The following ADH6 variants were observed in gnomAD, a reference collection of about 807,000 sequenced individuals.
ADH6 encodes alcohol dehydrogenase 6 (class V).
A neutral mutation model predicts 36.5 loss-of-function variants in ADH6; 34 were observed. The ratio of observed to expected loss-of-function variants is 0.93; its 90% CI spans 0.71 to 1.24. The LOEUF (loss-of-function observed/expected upper bound fraction) is 1.24. Ranked by LOEUF, ADH6 falls within the 50% of genes most tolerant of loss-of-function variation. The probability of loss-of-function intolerance (pLI) is 0.00; values close to 1 mark genes in which losing one functional copy is unlikely to be tolerated. For missense variants in ADH6, 440 were observed against 447.0 expected, an observed-to-expected ratio of 0.98 and a Z score of 0.14; for synonymous variants, 161 against 155.5, an observed-to-expected ratio of 1.04 and a Z score of -0.26.
Position 99,208,940 on chromosome 4 carries a change from C to T in ADH6, c.568-12G>A. On this transcript the variant is annotated splice_polypyrimidine_tract_variant and intron_variant, in intron 5 of 8. Coordinates refer to ENST00000394899, the MANE Select transcript of ADH6 (RefSeq NM_001102470.2). ...GAACCTGGAGTCACCTAAACACATA[C>T]AGGCAGAAAACTCAGAAAACAAAAA... 6.2e-7 allele frequency: 1 copy of T among 1,602,232 alleles called. No homozygotes were observed. The highest frequency in any genetic ancestry group is 8.5e-7 in the Non-Finnish European group (1 of 1,174,788).
At position 99,204,990 on chromosome 4, in the gene ADH6, T is replaced by G. The variant is rs149400992; in HGVS notation, c.1038A>C (p.Leu346=). The change falls in exon 8 of 9, where the codon CTA becomes CTC. Residue 346 remains leucine (L), a synonymous_variant. Transcript: ENST00000394899. ...TATCAAGATTCAGAGTATGAGTAAT[T>G]AGTGGATCTAGATTCAACTTCTCTG... is the stretch of plus-strand genomic sequence containing the variant. ...YMAEKLNLDP[L]ITHTLNLDKI... 1.6e-4 allele frequency: 258 copies of G among 1,609,612 alleles called. 1 individual carries two copies. The Middle Eastern group carries it at 3.8e-3, about 24-fold the overall frequency.
At chr4:99,207,945 A>G (rs557197129) in intron 6 of ADH6, among the ~76,000 whole-genome samples, 72 of 152,288 alleles carry the variant, frequency 4.7e-4, no homozygotes, top group African/African-American at 1.6e-3. Context: ...ACAGATATTT[A>G]TATAATAAGA....
chr4:99,216,040 GA>G lies in ADH6; in HGVS notation c.120+120del, dbSNP rs1731402565. 3 of 510,190 alleles carry G rather than the reference GA, an allele frequency of 5.9e-6. No individual in the cohort carries two copies. The South Asian group carries it at 1.2e-4, about 20-fold the overall frequency. The allele number at this position is 510,190 out of a possible 1,614,324, so 31.6% of individuals were successfully genotyped here. ...ATGTTTAATGAAAAAGAAATACAAA[GA>G]TATGTAGTTTTATTATTTTTTTTTC... On this transcript the variant is annotated intron_variant, in intron 2 of 8. Coordinates refer to ENST00000394899, the MANE Select transcript of ADH6 (RefSeq NM_001102470.2).
chr4:99,208,456 T>G (rs920272081), intron 6 of ADH6: 5 of 463,634 alleles, frequency 1.1e-5, no homozygotes, highest in Non-Finnish European at 1.5e-5. Context: ...TTAAAACTTC[T>G]GGCTTTGAAA....
At position 99,210,270 on chromosome 4, in the gene ADH6, C is replaced by A; in HGVS notation, c.379G>T (p.Gly127Cys). The stretch of plus-strand genomic sequence containing the variant: ...CCCTTGCAGGTAAACCTGCTGGTAC[C>A]ATCAGACATCAGTTGGGTTTTTGAC... ...KQSKTQLMSD[G>C]TSRFTCKGKS... Residue 127 changes from glycine to cysteine, a missense_variant, in exon 5 of 9, where the codon GGT becomes TGT. Physicochemically the swap from Gly to Cys is radical, Grantham distance 159. Coordinates refer to ENST00000394899, the MANE Select transcript of ADH6 (RefSeq NM_001102470.2). The A allele has an allele frequency of 1.2e-6, 2 of 1,613,644 alleles. No individual in the cohort carries two copies. The highest frequency in any genetic ancestry group is 1.7e-6 in the Non-Finnish European group (2 of 1,179,804).
chr4:99,217,385 C>A (rs1731485991), intron 1 of ADH6, among the ~76,000 whole-genome samples: 1 of 152,152 alleles, frequency 6.6e-6, no homozygotes, highest in African/African-American at 2.4e-5. Context: ...ACTCACCCTT[C>A]CCAGTCTCTG....
chr4:99,208,621 A>T (rs1731118986), intron 6 of ADH6, 47 bp downstream of exon 6: 4 of 1,555,214 alleles, frequency 2.6e-6, no homozygotes, highest in Non-Finnish European at 3.5e-6. Flanking sequence ...AATCTAAACG[A>T]TGACTGGTAA....
chr4:99,209,367 G>C (rs17028732), intron 5 of ADH6, among the ~76,000 whole-genome samples: 3,071 of 151,642 alleles, frequency 0.02, 106 homozygotes, highest in African/African-American at 0.07. Context: ...GAAGGCAAAG[G>C]CTTTTTTTTT....
In ADH6 at chr4:99,202,762, G is replaced by A. The variant is rs1307849552; in HGVS notation, c.*1457C>T. Reference sequence around the variant, plus strand: ...CCTCCAAGTTCTCACTGTTAGTAAGGTCAATTTGGGGGCAGAACAGGAACA... The same window carrying A: ...CCTCCAAGTTCTCACTGTTAGTAAGATCAATTTGGGGGCAGAACAGGAACA... On this transcript the variant is annotated 3_prime_UTR_variant, in exon 9 of 9. Transcript: ENST00000394899. 3 of 398,094 alleles carry A rather than the reference G, an allele frequency of 7.5e-6. No individual in the cohort carries two copies. The highest frequency in any genetic ancestry group is 7.1e-5 in the East Asian group (2 of 28,074). 24.7% of individuals were successfully genotyped at this position (398,094 alleles called of 1,614,324 possible).
intron 3 of ADH6, among the ~76,000 whole-genome samples, chr4:99,211,272 C>T (rs1224040175): frequency 3.3e-5 from 5 of 152,048 alleles, no homozygotes; most frequent in Admixed American, 3.3e-4. Context: ...GACCAGTAAC[C>T]ACGATATTTT....
chr4:99,204,022 G>A lies in ADH6; in HGVS notation c.*197C>T. 1 of 563,928 alleles carries A rather than the reference G, an allele frequency of 1.8e-6. No individual in the cohort carries two copies. The highest frequency in any genetic ancestry group is 3.3e-5 in the East Asian group (1 of 30,390). 34.9% of individuals were successfully genotyped at this position (563,928 alleles called of 1,614,324 possible). On this transcript the variant is annotated 3_prime_UTR_variant, in exon 9 of 9. Transcript: ENST00000394899. Reference sequence around the variant, plus strand: ...GCTCTGAAAAGGAGGCTGATCCTTGGTGACACTGGGTTACGTAAGAACAAT... The same window carrying A: ...GCTCTGAAAAGGAGGCTGATCCTTGATGACACTGGGTTACGTAAGAACAAT...
intron 7 of ADH6, among the ~76,000 whole-genome samples, chr4:99,206,519 G>A (rs1490448926): frequency 1.3e-5 from 2 of 151,336 alleles, no homozygotes; most frequent in Admixed American, 1.3e-4. Flanking sequence ...TAGAAGAACT[G>A]AAATTACAGT....
At chr4:99,208,486 T>G in intron 6 of ADH6, 182 bp downstream of exon 6, 1 of 539,906 alleles carries the variant, frequency 1.9e-6, no homozygotes, top group Non-Finnish European at 3.1e-6. Flanking sequence ...AGTTCTAGAT[T>G]TAGTATCTGG....
chr4:99,206,807 C>A (rs1353968827), intron 7 of ADH6, among the ~76,000 whole-genome samples: 1 of 151,766 alleles, frequency 6.6e-6, no homozygotes, highest in Non-Finnish European at 1.5e-5. Flanking sequence ...GCTTATGAGC[C>A]CAGAATCTTA....
intron 5 of ADH6, 93 bp from the exon 6 acceptor site, chr4:99,209,021 T>A: frequency 7.6e-7 from 1 of 1,323,656 alleles, no homozygotes. Flanking sequence ...TATGCATGTA[T>A]TTTTTAACGA....
Position 99,207,583 on chromosome 4 carries a change from T to C in ADH6, c.829-2A>G, listed in dbSNP as rs753865832. 2 of 1,613,098 alleles carry C rather than the reference T, an allele frequency of 1.2e-6. No homozygotes were observed. Among genetic ancestry groups the C allele is most frequent in the South Asian group, 2.2e-5 (2 of 91,028 alleles). On this transcript the variant is annotated splice_acceptor_variant, in intron 6 of 8. Transcript: ENST00000394899. LOFTEE classifies it high-confidence loss of function. ...ATTGCAGGAGGCGAGGGCAGCTGCCTGTTAGAAAGTGATGCAATACAGTAT... is the reference window on the plus strand; with the variant it reads ...ATTGCAGGAGGCGAGGGCAGCTGCCCGTTAGAAAGTGATGCAATACAGTAT...
chr4:99,206,125 A>G (rs1454095982), intron 7 of ADH6, among the ~76,000 whole-genome samples: 1 of 152,116 alleles, frequency 6.6e-6, no homozygotes, highest in African/African-American at 2.4e-5. Context: ...CAAATGACAT[A>G]GGAAAGAAAA....
In ADH6 at chr4:99,208,735, A is replaced by AC. The variant is rs754776398; in HGVS notation, c.760dup (p.Val254GlyfsTer4). The AC allele has an allele frequency of 1.2e-6, 2 of 1,613,788 alleles. No individual in the cohort carries two copies. The highest frequency in any genetic ancestry group is 1.7e-6 in the Non-Finnish European group (2 of 1,179,790). On this transcript the variant is annotated frameshift_variant, in exon 6 of 9. Transcript: ENST00000394899. LOFTEE classifies it high-confidence loss of function. ...ACCAGCATCTGTCATATCAAATAAA[A>AC]CTTCTTGAATGGGTTTCTTTAAGTC...
At chr4:99,214,696 G>A (rs1273660231) in intron 2 of ADH6, among the ~76,000 whole-genome samples, 1 of 152,058 alleles carries the variant, frequency 6.6e-6, no homozygotes, top group African/African-American at 2.4e-5. Flanking sequence ...TATGAAGTTT[G>A]CATACACATA....
Sources: allele counts gnomAD v4.1 joint callset (sites outside exome capture counted in the v4.1 genomes callset), GRCh38; gene constraint gnomAD v4.1.1; transcripts MANE v1.5; gene names NCBI Gene and HGNC (gene_info 2026-07-23, HGNC 2026-07-21).